RELN: variants seen among roughly 807,000 people sequenced by gnomAD.
RELN encodes the protein reelin.
Under a neutral mutation model 427.6 loss-of-function variants are expected in RELN, and 108 were observed. The ratio of observed to expected loss-of-function variants is 0.25; its 90% CI spans 0.22 to 0.30. The LOEUF (loss-of-function observed/expected upper bound fraction) is 0.30, where lower values mean the gene tolerates loss of function less well. Among genes scored for constraint, RELN ranks in the 10% least tolerant of loss-of-function variants. The probability of loss-of-function intolerance (pLI) is 1.00; values close to 1 mark genes in which losing one functional copy is unlikely to be tolerated. For synonymous variants in RELN, 1,524 were observed against 1,513.4 expected, an observed-to-expected ratio of 1.01 and a Z score of -0.16; for missense variants, 3,715 against 4,302.8, an observed-to-expected ratio of 0.86 and a Z score of 3.82.
intron 6 of RELN, among the ~76,000 whole-genome samples, chr7:103,732,286 G>T (rs1460057449): frequency 6.6e-6 from 1 of 152,056 alleles, no homozygotes; most frequent in African/African-American, 2.4e-5. Flanking sequence ...ATTGCCCATG[G>T]GCTAGTTTCT....
chr7:103,861,137 T>C (rs904905845), intron 2 of RELN, among the ~76,000 whole-genome samples: 1 of 152,162 alleles, frequency 6.6e-6, no homozygotes, highest in Admixed American at 6.6e-5. Flanking sequence ...TCTTTTTTTC[T>C]GATATACACA....
At chr7:103,616,153 T>C (rs1832074169) in intron 20 of RELN, among the ~76,000 whole-genome samples, 1 of 152,206 alleles carries the variant, frequency 6.6e-6, no homozygotes, top group South Asian at 2.1e-4. Flanking sequence ...AATGCATCCA[T>C]ATTTGCATTT....
intron 3 of RELN, among the ~76,000 whole-genome samples, chr7:103,796,754 G>A (rs181426720): frequency 4.6e-5 from 7 of 151,792 alleles, no homozygotes; most frequent in East Asian, 3.9e-4. Context: ...CTAGCTACTC[G>A]GGAGGTTGAG....
At chr7:103,613,302 A>AT (rs1461435436) in intron 20 of RELN, among the ~76,000 whole-genome samples, 2 of 152,128 alleles carry the variant, frequency 1.3e-5, no homozygotes, top group Admixed American at 6.5e-5. Flanking sequence ...GTTTGGAATA[A>AT]TTTTTTTAAT....
At chr7:103,692,640 G>A (rs1323012860) in intron 10 of RELN, among the ~76,000 whole-genome samples, 4 of 152,040 alleles carry the variant, frequency 2.6e-5, no homozygotes, top group African/African-American at 9.7e-5. Flanking sequence ...GTGAACTGAG[G>A]TATCTGGGAG....
At chr7:103,832,540 C>T (rs39365) in intron 3 of RELN, among the ~76,000 whole-genome samples, 4 of 151,934 alleles carry the variant, frequency 2.6e-5, no homozygotes, top group Middle Eastern at 3.2e-3. Context: ...ATCACGCATT[C>T]GAAGTTTAAA....
chr7:103,488,710 T>G (rs1286018831), intron 60 of RELN, among the ~76,000 whole-genome samples: 3 of 152,220 alleles, frequency 2.0e-5, no homozygotes, highest in Non-Finnish European at 4.4e-5. Context: ...GCAAGGCTGA[T>G]TGGAAAGAAC....
Position 103,662,645 on chromosome 7 carries a change from A to AG in RELN, c.1290-1119dup, listed in dbSNP as rs55654544. ...CGTCACAAAAAAAAAAAAAAAAAAA[A>AG]GAAACGGGTGACACTATTAACAGTG... On this transcript the variant is annotated intron_variant, in intron 11 of 64. Transcript: ENST00000428762. Among the ~76,000 whole-genome samples, 497 of 150,282 alleles carry AG rather than the reference A, an allele frequency of 3.3e-3. 1 individual carries two copies. The highest frequency in any genetic ancestry group is 6.3e-3 in the Non-Finnish European group (425 of 67,426).
intron 1 of RELN, among the ~76,000 whole-genome samples, chr7:103,928,574 C>T (rs971495344): frequency 6.6e-6 from 1 of 152,138 alleles, no homozygotes; most frequent in Non-Finnish European, 1.5e-5. Flanking sequence ...GAAGGCTATC[C>T]ATGGATGAAA....
At chr7:103,602,963 C>T (rs897091339) in intron 24 of RELN, among the ~76,000 whole-genome samples, 3 of 152,128 alleles carry the variant, frequency 2.0e-5, no homozygotes, top group Non-Finnish European at 4.4e-5. Context: ...CCTCCAAAGG[C>T]CAGGGTGAGA....
At chr7:103,925,584 G>T (rs749481014) in intron 1 of RELN, among the ~76,000 whole-genome samples, 1 of 152,132 alleles carries the variant, frequency 6.6e-6, no homozygotes, top group Non-Finnish European at 1.5e-5. Context: ...AAAGTGATGT[G>T]AATAGGAATG....
chr7:103,746,069 A>G (rs1282084001), intron 6 of RELN, among the ~76,000 whole-genome samples: 1 of 152,078 alleles, frequency 6.6e-6, no homozygotes, highest in African/African-American at 2.4e-5. Flanking sequence ...CAAAACAGAG[A>G]TATAGACCAA....
At chr7:103,941,858 T>A (rs949466044) in intron 1 of RELN, among the ~76,000 whole-genome samples, 2 of 152,024 alleles carry the variant, frequency 1.3e-5, no homozygotes, top group African/African-American at 2.4e-5. Context: ...ACTAGACCAC[T>A]GTGACAGAGA....
intron 3 of RELN, among the ~76,000 whole-genome samples, chr7:103,813,389 A>C (rs564641894): frequency 6.6e-6 from 1 of 152,146 alleles, no homozygotes; most frequent in Non-Finnish European, 1.5e-5. Flanking sequence ...ATTCTTCATG[A>C]ACTTTTCTCT....
chr7:103,782,639 AT>A (rs1460002397), intron 3 of RELN, among the ~76,000 whole-genome samples: 1 of 152,126 alleles, frequency 6.6e-6, no homozygotes, highest in African/African-American at 2.4e-5. Flanking sequence ...TTTTTGACTT[AT>A]ATTTGTATTT....
intron 6 of RELN, among the ~76,000 whole-genome samples, chr7:103,743,970 G>C (rs1347171123): frequency 6.6e-6 from 1 of 152,080 alleles, no homozygotes; most frequent in Non-Finnish European, 1.5e-5. Context: ...ATTCTTTTCA[G>C]CACCACACCA....
At chr7:103,621,035 G>C (rs928731302) in intron 20 of RELN, among the ~76,000 whole-genome samples, 1 of 152,144 alleles carries the variant, frequency 6.6e-6, no homozygotes, top group Non-Finnish European at 1.5e-5. Flanking sequence ...CTTATTTAGA[G>C]CATACTCAAA....
In RELN at chr7:103,478,752, GAA is replaced by G. The variant is rs1828127255; in HGVS notation, c.10281-360_10281-359del. 2.6e-5 allele frequency among the ~76,000 whole-genome samples: 4 copies of G among 152,070 alleles called. No individual in the cohort carries two copies. The South Asian group carries it at 8.3e-4, about 32-fold the overall frequency. On this transcript the variant is annotated intron_variant, in intron 63 of 64. Coordinates refer to ENST00000428762, the MANE Select transcript of RELN (RefSeq NM_005045.4). ...ATTTTTCAATTATTTTACATTGTAAGAAATACTAATTCCTGAATATATTAAGG... is the reference window on the plus strand; with the variant it reads ...ATTTTTCAATTATTTTACATTGTAAGATACTAATTCCTGAATATATTAAGG...
At chr7:103,981,572 T>C (rs1441336727) in intron 1 of RELN, among the ~76,000 whole-genome samples, 2 of 152,216 alleles carry the variant, frequency 1.3e-5, no homozygotes, top group Non-Finnish European at 2.9e-5. Context: ...TCTGTGTGTT[T>C]AGATGAAATA....
Sources: allele counts gnomAD v4.1 joint callset (sites outside exome capture counted in the v4.1 genomes callset), GRCh38; gene constraint gnomAD v4.1.1; transcripts MANE v1.5; gene names NCBI Gene and HGNC (gene_info 2026-07-23, HGNC 2026-07-21).